DLG5: variants seen among roughly 807,000 people sequenced by gnomAD.
DLG5 encodes the protein discs large MAGUK scaffold protein 5, also known as disks large homolog 5.
Under a neutral mutation model 189.8 loss-of-function variants are expected in DLG5, and 48 were observed. The observed-to-expected ratio is 0.25, with a 90% CI of 0.20 to 0.32. The LOEUF is 0.32. Ranked by LOEUF, DLG5 falls within the 10% of genes least tolerant of loss-of-function variation. DLG5 has a pLI of 1.00. For missense variants in DLG5, 2,160 were observed against 2,544.7 expected (o/e 0.85, Z 3.25); for synonymous variants, 1,016 against 1,054.1 (o/e 0.96, Z 0.70).
chr10:77,901,069 C>T (rs1845911143), intron 1 of DLG5, among the ~76,000 whole-genome samples: 2 of 150,092 alleles, frequency 1.3e-5, no homozygotes, highest in African/African-American at 2.5e-5. Flanking sequence ...GAGCCAAGAT[C>T]GCGCCATTGC....
In DLG5 at chr10:77,920,083, C is replaced by G. The variant is rs115899212; in HGVS notation, c.304+6134G>C. Among the ~76,000 whole-genome samples the G allele has an allele frequency of 6.9e-3, 1,047 of 152,272 alleles. 13 individuals carry two copies. The highest frequency in any genetic ancestry group is 0.023 in the African/African-American group (958 of 41,540). ...AGCTCAGGGAGGACAGCTCTGACAC[C>G]TGCTTGGCATAGTATACAAGGAGCT... On this transcript the variant is annotated intron_variant, in intron 1 of 31. Transcript: ENST00000372391.
At chr10:77,911,587 CAG>C (rs1485941623) in intron 1 of DLG5, among the ~76,000 whole-genome samples, 4 of 152,078 alleles carry the variant, frequency 2.6e-5, no homozygotes, top group Non-Finnish European at 5.9e-5. Context: ...TTTGGGGACT[CAG>C]GGGTCATCTT....
intron 5 of DLG5, among the ~76,000 whole-genome samples, chr10:77,848,086 T>G (rs191812997): frequency 1.5e-4 from 23 of 152,262 alleles, no homozygotes; most frequent in Admixed American, 1.2e-3. Context: ...ACAGTTGGCC[T>G]GTGAGTTCAA....
chr10:77,839,293 G>A (rs372890773), intron 7 of DLG5, among the ~76,000 whole-genome samples: 8 of 152,152 alleles, frequency 5.3e-5, no homozygotes, highest in Non-Finnish European at 1.2e-4. Flanking sequence ...CTGAGGTCAG[G>A]AATTCGAGAC....
In DLG5 at chr10:77,824,392, G is replaced by C. The variant is rs1170260286; in HGVS notation, c.2374C>G (p.Leu792Val). ...RSCQDSLTLS[L>V]LKVFPQSSSW... ...CCAGGTCCAGCCCTTACCTTCAGGA[G>C]GGACAGGGTCAGGGAGTCCTGGCAG... The change falls in exon 14 of 32, where the codon CTC (leucine) becomes GTC (valine). Residue 792 changes from leucine (L) to valine (V), a missense_variant. Leu to Val is a conservative substitution (Grantham distance 32). Around this residue, in one of 5 missense-constraint regions of DLG5, gnomAD observed 107 missense variants for 214.5 expected, o/e 0.50. Coordinates refer to ENST00000372391, the MANE Select transcript of DLG5 (RefSeq NM_004747.4). The C allele has an allele frequency of 6.2e-7, 1 of 1,612,414 alleles. No homozygotes were observed. The highest frequency in any genetic ancestry group is 8.5e-7 in the Non-Finnish European group (1 of 1,178,654).
In DLG5 at chr10:77,924,149, G is replaced by A. The variant is rs1015987411; in HGVS notation, c.304+2068C>T. The stretch of plus-strand genomic sequence containing the variant: ...CAAAGTGCTGGGATTACAGGCATGA[G>A]CCACCACACCCAACCAGCGTTTTTC... On this transcript the variant is annotated intron_variant, in intron 1 of 31. Coordinates refer to ENST00000372391, the MANE Select transcript of DLG5 (RefSeq NM_004747.4). Among the ~76,000 whole-genome samples the A allele has an allele frequency of 6.6e-5, 10 of 152,328 alleles. No homozygotes were observed. In the East Asian group the frequency reaches 1.7e-3, roughly 27 times the overall value.
At chr10:77,878,953 G>A (rs1029420208) in intron 1 of DLG5, among the ~76,000 whole-genome samples, 4 of 152,204 alleles carry the variant, frequency 2.6e-5, no homozygotes, top group African/African-American at 4.8e-5. Context: ...CCACTCATTC[G>A]CCAAACGCTG....
intron 1 of DLG5, among the ~76,000 whole-genome samples, chr10:77,913,125 T>G (rs1247654653): frequency 6.6e-6 from 1 of 151,980 alleles, no homozygotes; most frequent in Non-Finnish European, 1.5e-5. Context: ...ACATTTACAC[T>G]TTGTACGTGT....
intron 27 of DLG5, 152 bp downstream of exon 27, chr10:77,805,513 A>T (rs1841421702): frequency 1.2e-6 from 1 of 809,876 alleles, no homozygotes; most frequent in Non-Finnish European, 1.9e-6. Context: ...TGAAGATGGC[A>T]GCACCCCCCG....
At chr10:77,800,600 A>C (rs1841155727) in intron 27 of DLG5, among the ~76,000 whole-genome samples, 2 of 152,208 alleles carry the variant, frequency 1.3e-5, no homozygotes, top group Admixed American at 1.3e-4. Flanking sequence ...AAAGTTTCTG[A>C]AAATCTCCAA....
At chr10:77,873,499 C>G (rs1262628300) in intron 1 of DLG5, among the ~76,000 whole-genome samples, 1 of 152,052 alleles carries the variant, frequency 6.6e-6, no homozygotes, top group African/African-American at 2.4e-5. Context: ...ATTCTGTTTA[C>G]CCCGTGACTC....
intron 1 of DLG5, among the ~76,000 whole-genome samples, chr10:77,878,619 T>TC (rs370875681): frequency 1.3e-5 from 2 of 152,020 alleles, no homozygotes; most frequent in African/African-American, 4.8e-5. Context: ...AGCTAATGCT[T>TC]CCCCCTCAAC....
At chr10:77,888,754 C>T (rs1845519943) in intron 1 of DLG5, among the ~76,000 whole-genome samples, 1 of 152,170 alleles carries the variant, frequency 6.6e-6, no homozygotes, top group Admixed American at 6.5e-5. Context: ...TTAATATGTA[C>T]ATGTTCCTCT....
chr10:77,802,745 C>T (rs1272066274), intron 27 of DLG5, among the ~76,000 whole-genome samples: 1 of 152,014 alleles, frequency 6.6e-6, no homozygotes. Flanking sequence ...ACTAAAAATA[C>T]AAAAATTAGC....
At chr10:77,795,174 G>A (rs1278324785) in intron 29 of DLG5, among the ~76,000 whole-genome samples, 1 of 152,198 alleles carries the variant, frequency 6.6e-6, no homozygotes, top group Non-Finnish European at 1.5e-5. Flanking sequence ...GGGCTTAGGG[G>A]GCTAGGGGTG....
intron 1 of DLG5, among the ~76,000 whole-genome samples, chr10:77,889,937 G>T (rs1394276307): frequency 6.6e-6 from 1 of 152,114 alleles, no homozygotes; most frequent in Non-Finnish European, 1.5e-5. Context: ...TCCCAAAAGT[G>T]CAGAAGATCC....
chr10:77,810,455 G>C (rs1841707062), intron 23 of DLG5, among the ~76,000 whole-genome samples: 1 of 152,226 alleles, frequency 6.6e-6, no homozygotes, highest in Admixed American at 6.5e-5. Flanking sequence ...GGACGGCAGA[G>C]TGATCATGTC....
At chr10:77,798,869 T>C (rs890122769) in intron 27 of DLG5, among the ~76,000 whole-genome samples, 1 of 152,168 alleles carries the variant, frequency 6.6e-6, no homozygotes, top group African/African-American at 2.4e-5. Context: ...AGAATATTAC[T>C]GAGATGGGAA....
intron 2 of DLG5, among the ~76,000 whole-genome samples, chr10:77,864,800 A>C (rs144880812): frequency 1.3e-3 from 192 of 152,254 alleles, no homozygotes; most frequent in Non-Finnish European, 2.4e-3. Flanking sequence ...TAAGGGGGAC[A>C]CCCCTCTTAG....
Sources: allele counts gnomAD v4.1 joint callset (sites outside exome capture counted in the v4.1 genomes callset), GRCh38; gene constraint gnomAD v4.1.1; regional missense constraint gnomAD v4.1.1; transcripts MANE v1.5; gene names NCBI Gene and HGNC (gene_info 2026-07-23, HGNC 2026-07-21).